The following NAALADL2 variants were observed in gnomAD, a reference collection of about 807,000 sequenced individuals.
The protein encoded by NAALADL2 is inactive N-acetylated-alpha-linked acidic dipeptidase-like protein 2.
NAALADL2 carries 76 observed loss-of-function variants against 87.2 expected under a neutral mutation model. That is an observed-to-expected ratio of 0.87 (90% CI 0.72 to 1.05). The LOEUF is 1.05. NAALADL2 is among the 50% of genes least tolerant of loss of function. NAALADL2 has a pLI of 0.00. For synonymous variants in NAALADL2, 354 were observed against 331.0 expected (o/e 1.07, Z -0.75); for missense variants, 1,089 against 945.8 (o/e 1.15, Z -1.99).
intron 10 of NAALADL2, among the ~76,000 whole-genome samples, chr3:175,614,690 A>C (rs1725111515): frequency 6.6e-6 from 1 of 152,208 alleles, no homozygotes; most frequent in African/African-American, 2.4e-5. Flanking sequence ...TTATTATTGA[A>C]GGAGAAGAAT....
intron 12 of NAALADL2, among the ~76,000 whole-genome samples, chr3:175,738,935 C>G (rs76098218): frequency 5.9e-5 from 9 of 151,976 alleles, no homozygotes; most frequent in Admixed American, 5.9e-4. Flanking sequence ...TTTTTTTAAA[C>G]AGTAATTTTA....
At chr3:175,243,960 T>A (rs1747484000) in intron 3 of NAALADL2, among the ~76,000 whole-genome samples, 1 of 152,096 alleles carries the variant, frequency 6.6e-6, no homozygotes, top group South Asian at 2.1e-4. Flanking sequence ...TTTTGCAAAA[T>A]AGCTATTGAC....
At chr3:175,032,030 A>C (rs1010205372) in intron 1 of NAALADL2, among the ~76,000 whole-genome samples, 3 of 152,006 alleles carry the variant, frequency 2.0e-5, no homozygotes, top group Admixed American at 6.6e-5. Context: ...TGACCAATGC[A>C]TAGTTTGCAA....
intron 2 of NAALADL2, among the ~76,000 whole-genome samples, chr3:174,597,303 G>A (rs1435045703): frequency 6.6e-6 from 1 of 152,146 alleles, no homozygotes; most frequent in Non-Finnish European, 1.5e-5. Context: ...GTCATTGTAG[G>A]ATGATCACAT....
At chr3:175,159,995 C>T (rs1257560286) in intron 2 of NAALADL2, among the ~76,000 whole-genome samples, 1 of 55,248 alleles carries the variant, frequency 1.8e-5, no homozygotes, top group Non-Finnish European at 5.6e-5. Flanking sequence ...TGCTACCACT[C>T]GTGACTTTTT....
chr3:175,204,245 C>T (rs551642448), intron 2 of NAALADL2, among the ~76,000 whole-genome samples: 9 of 152,230 alleles, frequency 5.9e-5, no homozygotes, highest in Admixed American at 2.0e-4. Context: ...AGATAATCTG[C>T]CATGATCAAG....
At chr3:175,037,405 CA>C (rs1753551516) in intron 1 of NAALADL2, among the ~76,000 whole-genome samples, 1 of 152,160 alleles carries the variant, frequency 6.6e-6, no homozygotes, top group African/African-American at 2.4e-5. Flanking sequence ...CTCATGACAA[CA>C]CCCCTGAAAG....
chr3:175,765,730 A>G (rs62286128), intron 13 of NAALADL2, among the ~76,000 whole-genome samples: 14,790 of 152,170 alleles, frequency 0.097, 777 homozygotes, highest in African/African-American at 0.13. Context: ...TGATGCATTG[A>G]ATAATTAAGA....
chr3:174,874,694 A>G lies in NAALADL2; in HGVS notation c.43+15244A>G, dbSNP rs185708815. On this transcript the variant is annotated intron_variant, in intron 1 of 13. Transcript: ENST00000454872. ...TGAAGTACATTGCAATTCAAGGTATATTTTTTTTGCTACTTAAATATTTTA... is the reference window on the plus strand; with the variant it reads ...TGAAGTACATTGCAATTCAAGGTATGTTTTTTTTGCTACTTAAATATTTTA... 2.5e-4 allele frequency among the ~76,000 whole-genome samples: 38 copies of G among 151,984 alleles called. No homozygotes were observed. In the East Asian group the frequency reaches 7.0e-3, roughly 28 times the overall value.
At chr3:175,198,764 AT>A (rs758373363) in intron 2 of NAALADL2, among the ~76,000 whole-genome samples, 2 of 148,840 alleles carry the variant, frequency 1.3e-5, no homozygotes, top group Non-Finnish European at 1.5e-5. Flanking sequence ...TACTTTGCAG[AT>A]TTTTTTTTCA....
intron 3 of NAALADL2, among the ~76,000 whole-genome samples, chr3:174,758,381 T>C (rs183703319): frequency 1.3e-5 from 2 of 152,346 alleles, no homozygotes; most frequent in East Asian, 3.9e-4. Context: ...CATATACAAC[T>C]AGCATAGAGT....
chr3:175,023,953 A>T (rs1751893053), intron 1 of NAALADL2, among the ~76,000 whole-genome samples: 1 of 152,052 alleles, frequency 6.6e-6, no homozygotes, highest in South Asian at 2.1e-4. Flanking sequence ...GAGTTTTGAG[A>T]TTATACAATT....
At chr3:175,211,004 G>A (rs944869660) in intron 2 of NAALADL2, among the ~76,000 whole-genome samples, 1 of 151,576 alleles carries the variant, frequency 6.6e-6, no homozygotes, top group African/African-American at 2.4e-5. Context: ...TTATTCACAG[G>A]AAATTAAATC....
rs1257290490 is a variant in NAALADL2, at chr3:174,773,492, C to T, written c.-9+35746C>T. Among the ~76,000 whole-genome samples, 4 of 152,242 alleles carry T rather than the reference C, an allele frequency of 2.6e-5. No homozygotes were observed. The East Asian group carries it at 5.8e-4, about 22-fold the overall frequency. On this transcript the variant is annotated intron_variant, in intron 3 of 3. Coordinates refer to the NAALADL2 transcript ENST00000434257. Reference sequence around the variant, plus strand: ...TCCCTTTAACTGAGAATAAGGTATACTCCATGCTAGTGATGAGACTTTCAT... The same window carrying T: ...TCCCTTTAACTGAGAATAAGGTATATTCCATGCTAGTGATGAGACTTTCAT...
chr3:175,600,525 C>CTTTTTTTTTTTTTTTTT lies in NAALADL2; in HGVS notation c.1800+24352_1800+24368dup, dbSNP rs869212429. 4.9e-5 allele frequency among the ~76,000 whole-genome samples: 3 copies of CTTTTTTTTTTTTTTTTT among 61,040 alleles called. 1 individual carries two copies. The highest frequency in any genetic ancestry group is 8.8e-5 in the Non-Finnish European group (3 of 34,174). 40.0% of individuals were successfully genotyped at this position (61,040 alleles called of 152,430 possible). ...TTTTGTCCCACAAATGTGTCTTAGT[C>CTTTTTTTTTTTTTTTTT]TTTTTTTTTTTTTTTTTTTTTTTTT... On this transcript the variant is annotated intron_variant, in intron 10 of 13. Coordinates refer to ENST00000454872, the MANE Select transcript of NAALADL2 (RefSeq NM_207015.3).
At chr3:175,270,892 T>C (rs181042965) in intron 4 of NAALADL2, among the ~76,000 whole-genome samples, 2 of 152,306 alleles carry the variant, frequency 1.3e-5, no homozygotes, top group Non-Finnish European at 2.9e-5. Context: ...AGTAAATGAA[T>C]TGAAAATGAC....
chr3:175,474,795 C>T (rs1412642481), intron 9 of NAALADL2, among the ~76,000 whole-genome samples: 1 of 152,016 alleles, frequency 6.6e-6, no homozygotes, highest in East Asian at 1.9e-4. Flanking sequence ...TTTGAGTGCT[C>T]ACCTTGTATT....
chr3:175,679,889 A>G (rs1735352684), intron 11 of NAALADL2, among the ~76,000 whole-genome samples: 1 of 152,178 alleles, frequency 6.6e-6, no homozygotes, highest in Non-Finnish European at 1.5e-5. Flanking sequence ...TTAGAACTTG[A>G]GCTCAGACAA....
intron 13 of NAALADL2, among the ~76,000 whole-genome samples, chr3:175,791,096 C>T (rs551455292): frequency 6.6e-6 from 1 of 152,200 alleles, no homozygotes; most frequent in East Asian, 1.9e-4. Context: ...TATTCTCATG[C>T]ACATTAAATT....
Sources: gnomAD v4.1 joint callset for allele counts (sites outside exome capture counted in the v4.1 genomes callset) on GRCh38, gnomAD v4.1.1 for gene constraint, MANE v1.5 for transcripts, NCBI Gene and HGNC (gene_info 2026-07-23, HGNC 2026-07-21) for gene names.